The following SNX25 variants were observed in gnomAD, a reference collection of about 807,000 sequenced individuals.
The protein encoded by SNX25 is sorting nexin 25, also known as sorting nexin-25.
A neutral mutation model predicts 113.7 loss-of-function variants in SNX25; 62 were observed. The observed-to-expected ratio is 0.55, with a 90% CI of 0.44 to 0.67. The LOEUF (loss-of-function observed/expected upper bound fraction) is 0.67, where lower values mean the gene tolerates loss of function less well. SNX25 is among the 30% of genes least tolerant of loss of function. The pLI is 0.00. For missense variants in SNX25, 1,014 were observed against 1,161.0 expected, an observed-to-expected ratio of 0.87 and a Z score of 1.84; for synonymous variants, 421 against 436.2, an observed-to-expected ratio of 0.97 and a Z score of 0.43.
intron 1 of SNX25, among the ~76,000 whole-genome samples, chr4:185,244,889 C>G (rs757487978): frequency 2.0e-5 from 3 of 152,052 alleles, no homozygotes; most frequent in Admixed American, 6.5e-5. Context: ...ACAGTAAGCA[C>G]GAACAGGGAT....
At chr4:185,351,357 C>G in intron 13 of SNX25, 88 bp from the exon 14 acceptor site, 1 of 1,385,598 alleles carries the variant, frequency 7.2e-7, no homozygotes, top group Non-Finnish European at 9.9e-7. Context: ...AAATTCGTGA[C>G]AGCTCTGCCT....
downstream of SNX25, chr4:185,374,102 A>AT: frequency 6.5e-7 from 1 of 1,543,804 alleles, no homozygotes; most frequent in South Asian, 1.1e-5. Flanking sequence ...TAATCTAAAT[A>AT]TAACACTAGC....
chr4:185,246,225 C>T (rs759306009), intron 1 of SNX25, among the ~76,000 whole-genome samples: 5 of 152,182 alleles, frequency 3.3e-5, no homozygotes, highest in South Asian at 2.1e-4. Flanking sequence ...GCGGAGGTTG[C>T]AGTGAGCTGA....
chr4:185,300,913 G>C (rs570340331), intron 6 of SNX25, among the ~76,000 whole-genome samples: 1 of 149,888 alleles, frequency 6.7e-6, no homozygotes, highest in South Asian at 2.1e-4. Context: ...AACTCACATA[G>C]CCCTTGTTAC....
At chr4:185,259,178 G>C in intron 3 of SNX25, 114 bp downstream of exon 3, 1 of 859,584 alleles carries the variant, frequency 1.2e-6, no homozygotes. Flanking sequence ...GCACTTGCTT[G>C]AAAATGTAGA....
At chr4:185,268,252 TTTTG>T (rs1283747865) in intron 5 of SNX25, among the ~76,000 whole-genome samples, 1 of 152,180 alleles carries the variant, frequency 6.6e-6, no homozygotes, top group African/African-American at 2.4e-5. Flanking sequence ...TTGTGTTGGT[TTTTG>T]TTTGTCTTGG....
chr4:185,335,359 A>ACACACACAC (rs1579832686), intron 10 of SNX25, among the ~76,000 whole-genome samples: 1 of 144,674 alleles, frequency 6.9e-6, no homozygotes, highest in East Asian at 2.0e-4. Context: ...CACACACACA[A>ACACACACAC]CAAAAACAAA....
chr4:185,353,133 T>A (rs1414604444), intron 14 of SNX25: 1 of 167,776 alleles, frequency 6.0e-6, no homozygotes, highest in East Asian at 1.6e-4. Flanking sequence ...AATTTAAAAT[T>A]ATTTACTTCC....
intron 16 of SNX25, among the ~76,000 whole-genome samples, chr4:185,361,042 C>T (rs564290768): frequency 1.3e-3 from 194 of 152,040 alleles, no homozygotes; most frequent in African/African-American, 4.4e-3. Flanking sequence ...AAATGGCTGC[C>T]ACCCAGTCTT....
At chr4:185,245,260 C>G (rs1306751688) in intron 1 of SNX25, among the ~76,000 whole-genome samples, 1 of 150,984 alleles carries the variant, frequency 6.6e-6, no homozygotes, top group Non-Finnish European at 1.5e-5. Context: ...AAAAAAAATC[C>G]TCTTTTTAAT....
At chr4:185,257,279 T>C (rs1292102382) in intron 2 of SNX25, among the ~76,000 whole-genome samples, 1 of 151,930 alleles carries the variant, frequency 6.6e-6, no homozygotes, top group Non-Finnish European at 1.5e-5. Context: ...TTTTTCTCCC[T>C]TGGGGCCCTG....
At chr4:185,376,644 T>G in the SNX25 span, among the ~76,000 whole-genome samples, 1 of 152,120 alleles carries the variant, frequency 6.6e-6, no homozygotes, top group East Asian at 1.9e-4. Flanking sequence ...TATAAAAATT[T>G]GATTTTTAAT....
intron 1 of SNX25, among the ~76,000 whole-genome samples, chr4:185,214,346 CA>C (rs746886731): frequency 6.9e-6 from 1 of 145,278 alleles, no homozygotes; most frequent in South Asian, 2.2e-4. Flanking sequence ...TATTTGAGGC[CA>C]GGAGTTGCAG....
intron 1 of SNX25, among the ~76,000 whole-genome samples, chr4:185,236,024 C>G (rs13118983): frequency 0.37 from 56,938 of 152,066 alleles, 12,923 homozygotes; most frequent in East Asian, 0.57. Context: ...TGTTGTCCCC[C>G]CTTGCAGGGA....
At chr4:185,320,677 CA>C (rs1275591605) in intron 7 of SNX25, 55 bp from the exon 8 acceptor site, 2 of 1,342,336 alleles carry the variant, frequency 1.5e-6, no homozygotes, top group East Asian at 5.2e-5. Context: ...GAAGTTAAAG[CA>C]AACTGACATT....
intron 1 of SNX25, among the ~76,000 whole-genome samples, chr4:185,239,477 G>A (rs999255439): frequency 3.2e-4 from 49 of 151,988 alleles, no homozygotes; most frequent in South Asian, 8.3e-4. Context: ...GTGAGACTCC[G>A]TCTCAAAAAG....
At chr4:185,314,598 G>A (rs1454575555) in intron 7 of SNX25, among the ~76,000 whole-genome samples, 2 of 151,960 alleles carry the variant, frequency 1.3e-5, no homozygotes, top group Non-Finnish European at 2.9e-5. Context: ...AGTGGCTCAC[G>A]CCTGTAATCC....
chr4:185,334,165 C>G lies in SNX25; in HGVS notation c.1914+1406C>G, dbSNP rs1289846436. Among the ~76,000 whole-genome samples, 1 of 152,032 alleles carries G rather than the reference C, an allele frequency of 6.6e-6. No individual in the cohort carries two copies. Among genetic ancestry groups the G allele is most frequent in the Non-Finnish European group, 1.5e-5 (1 of 68,018 alleles). ...GCCAGCCTGGCCAACATGATGAAACCCTGTGTCTACTAAAAATACAAAAAT... is the reference window on the plus strand; with the variant it reads ...GCCAGCCTGGCCAACATGATGAAACGCTGTGTCTACTAAAAATACAAAAAT... On this transcript the variant is annotated intron_variant, in intron 10 of 18. Coordinates refer to ENST00000652585, the MANE Select transcript of SNX25 (RefSeq NM_001378034.2). This position sits in a 1 kb window ranked among gnomAD's most constrained non-coding sequence, Gnocchi z 4.2.
At chr4:185,247,154 A>G in intron 1 of SNX25, 140 bp from the exon 2 acceptor site, 1 of 584,002 alleles carries the variant, frequency 1.7e-6, no homozygotes, top group Non-Finnish European at 3.0e-6. Context: ...GCATTTATTT[A>G]CTTTTGTGGA....
Sources: gnomAD v4.1 joint callset for allele counts (sites outside exome capture counted in the v4.1 genomes callset) on GRCh38, gnomAD v4.1.1 for gene constraint, Gnocchi (gnomAD v3.1) non-coding constraint, MANE v1.5 for transcripts, NCBI Gene and HGNC (gene_info 2026-07-23, HGNC 2026-07-21) for gene names.